SHISA9: variants seen among roughly 807,000 people sequenced by gnomAD.
SHISA9 encodes the protein protein shisa-9.
A neutral mutation model predicts 38.0 loss-of-function variants in SHISA9; 13 were observed. The ratio of observed to expected loss-of-function variants is 0.34; its 90% CI spans 0.22 to 0.54. The LOEUF (loss-of-function observed/expected upper bound fraction) is 0.54, where lower values mean the gene tolerates loss of function less well. Among genes scored for constraint, SHISA9 ranks in the 20% least tolerant of loss-of-function variants. SHISA9 has a pLI of 0.91. For missense variants in SHISA9, 538 were observed against 575.8 expected (o/e 0.93, Z 0.67); for synonymous variants, 275 against 242.0 (o/e 1.14, Z -1.27).
the SHISA9 span, among the ~76,000 whole-genome samples, chr16:13,558,517 A>T: frequency 2.0e-5 from 3 of 152,272 alleles, 1 homozygote; most frequent in African/African-American, 7.2e-5. Flanking sequence ...TCAATGCATA[A>T]CCTTGTTTTT....
intron 2 of SHISA9, among the ~76,000 whole-genome samples, chr16:13,005,955 C>T (rs1184103834): frequency 3.9e-5 from 6 of 152,128 alleles, no homozygotes; most frequent in African/African-American, 1.2e-4. Context: ...GCTCTTATTT[C>T]GGAGAGTTGA....
At chr16:13,475,736 T>C in the SHISA9 span, among the ~76,000 whole-genome samples, 4 of 152,134 alleles carry the variant, frequency 2.6e-5, no homozygotes, top group East Asian at 3.9e-4. Flanking sequence ...CTCACCACAA[T>C]GTAGAATCAG....
the SHISA9 span, among the ~76,000 whole-genome samples, chr16:13,352,688 G>A: frequency 3.1e-5 from 2 of 63,998 alleles, no homozygotes; most frequent in Admixed American, 1.6e-4. Flanking sequence ...GAGAGTCAGC[G>A]AAGGGAGATA....
chr16:13,163,109 C>T (rs377378669), intron 2 of SHISA9, among the ~76,000 whole-genome samples: 40 of 152,242 alleles, frequency 2.6e-4, no homozygotes, highest in African/African-American at 9.1e-4. Context: ...TTGGACAAGT[C>T]ACTTAGCTTA....
the SHISA9 span, among the ~76,000 whole-genome samples, chr16:13,279,980 C>A: frequency 6.6e-6 from 1 of 151,848 alleles, no homozygotes; most frequent in Non-Finnish European, 1.5e-5. Flanking sequence ...TAGTCCATTT[C>A]ATCTAAGTTA....
intron 2 of SHISA9, among the ~76,000 whole-genome samples, chr16:13,010,169 T>C (rs1404382589): frequency 6.6e-6 from 1 of 152,030 alleles, no homozygotes; most frequent in African/African-American, 2.4e-5. Context: ...AGCGAAATCT[T>C]GTCTCGAAAA....
the SHISA9 span, among the ~76,000 whole-genome samples, chr16:13,508,055 C>G: frequency 6.6e-6 from 1 of 152,158 alleles, no homozygotes; most frequent in African/African-American, 2.4e-5. Context: ...TTCCATCTAG[C>G]ATTTTTTCTC....
At chr16:13,402,588 C>G in the SHISA9 span, among the ~76,000 whole-genome samples, 1 of 148,768 alleles carries the variant, frequency 6.7e-6, no homozygotes, top group Non-Finnish European at 1.5e-5. Flanking sequence ...AATCTCAGCT[C>G]ACTGTAACCA....
At chr16:13,146,048 T>G (rs2050444543) in intron 2 of SHISA9, among the ~76,000 whole-genome samples, 1 of 151,910 alleles carries the variant, frequency 6.6e-6, no homozygotes, top group Non-Finnish European at 1.5e-5. Context: ...ATTAGCGAGG[T>G]GTGGTGGTGT....
chr16:13,368,016 AT>A, the SHISA9 span, among the ~76,000 whole-genome samples: 63 of 152,272 alleles, frequency 4.1e-4, no homozygotes, highest in African/African-American at 1.4e-3. Flanking sequence ...CTAACTCGTC[AT>A]CTAGCATTAG....
chr16:13,504,845 G>A, the SHISA9 span, among the ~76,000 whole-genome samples: 1 of 152,250 alleles, frequency 6.6e-6, no homozygotes, highest in South Asian at 2.1e-4. Flanking sequence ...TCACAGAAAG[G>A]TTAAACAAAT....
intron 2 of SHISA9, among the ~76,000 whole-genome samples, chr16:13,099,509 G>T (rs553197379): frequency 3.9e-5 from 6 of 152,230 alleles, no homozygotes; most frequent in African/African-American, 1.2e-4. Context: ...TCACTAAGAA[G>T]ATGCCATTTC....
rs754552122 is a variant in SHISA9 at position 12,902,251 on chromosome 16, G to A, written c.187G>A (p.Ala63Thr). ...EASEGAEASD[A>T]PPTRAPTPDF... ...CAGCGAGGGCGCTGAGGCATCGGACGCGCCCCCGACCCGGGCGCCCACGCC... is the reference window on the plus strand; with the variant it reads ...CAGCGAGGGCGCTGAGGCATCGGACACGCCCCCGACCCGGGCGCCCACGCC... Residue 63 changes from alanine (A) to threonine (T), a missense_variant, in exon 1 of 5, where the codon GCG (alanine) becomes ACG (threonine). By Grantham distance (58) the Ala-to-Thr change is moderately conservative. This residue lies in a region of SHISA9 where 107 missense variants were observed against 103.0 expected (regional missense o/e 1.04). Transcript: ENST00000558583. 1 of 1,545,034 alleles carries A rather than the reference G, an allele frequency of 6.5e-7. No individual in the cohort carries two copies. Among genetic ancestry groups the A allele is most frequent in the South Asian group, 1.2e-5 (1 of 84,010 alleles).
At chr16:13,125,922 AC>A (rs2050252577) in intron 2 of SHISA9, among the ~76,000 whole-genome samples, 1 of 152,218 alleles carries the variant, frequency 6.6e-6, no homozygotes, top group African/African-American at 2.4e-5. Context: ...ATCTAACATT[AC>A]TGGCTATTGA....
chr16:13,380,261 G>A, the SHISA9 span, among the ~76,000 whole-genome samples: 2 of 152,104 alleles, frequency 1.3e-5, no homozygotes, highest in African/African-American at 4.8e-5. Flanking sequence ...ATCAAAAGAT[G>A]TCCTTTCTAA....
downstream of SHISA9, among the ~76,000 whole-genome samples, chr16:13,244,562 T>C (rs2142098565): frequency 6.6e-6 from 1 of 152,372 alleles, no homozygotes; most frequent in East Asian, 1.9e-4. Context: ...TATACATACA[T>C]ACATAAAATA....
chr16:13,439,741 C>T, the SHISA9 span, among the ~76,000 whole-genome samples: 1 of 152,182 alleles, frequency 6.6e-6, no homozygotes, highest in African/African-American at 2.4e-5. Flanking sequence ...TTGGCCTCCC[C>T]CTCATTAAAT....
chr16:13,031,691 T>G (rs1432640660), intron 2 of SHISA9, among the ~76,000 whole-genome samples: 4 of 152,188 alleles, frequency 2.6e-5, no homozygotes, highest in Non-Finnish European at 5.9e-5. Flanking sequence ...GCCTAAAAAA[T>G]AATATCTATA....
the SHISA9 span, among the ~76,000 whole-genome samples, chr16:13,431,777 A>C: frequency 6.6e-6 from 1 of 152,174 alleles, no homozygotes; most frequent in Non-Finnish European, 1.5e-5. Flanking sequence ...GAATAACAAA[A>C]TAGGCCGGGC....
Sources: gnomAD v4.1 joint callset for allele counts (sites outside exome capture counted in the v4.1 genomes callset) on GRCh38, gnomAD v4.1.1 for gene constraint, gnomAD v4.1.1 regional missense constraint, MANE v1.5 for transcripts, NCBI Gene and HGNC (gene_info 2026-07-23, HGNC 2026-07-21) for gene names.